The following ZNRF1 variants were observed in gnomAD, a reference collection of about 807,000 sequenced individuals.
ZNRF1 encodes the protein zinc and ring finger 1, also known as E3 ubiquitin-protein ligase ZNRF1.
ZNRF1 carries 3 observed loss-of-function variants against 18.4 expected under a neutral mutation model. That is an observed-to-expected ratio of 0.16 (90% CI 0.07 to 0.42). The LOEUF (loss-of-function observed/expected upper bound fraction) is 0.42, where lower values mean the gene tolerates loss of function less well. Ranked by LOEUF, ZNRF1 falls within the 10% of genes least tolerant of loss-of-function variation. The pLI is 0.99. For missense variants in ZNRF1, 310 were observed against 329.8 expected (o/e 0.94, Z 0.47); for synonymous variants, 157 against 144.2 (o/e 1.09, Z -0.64).
chr16:75,030,320 A>G (rs761174860), intron 1 of ZNRF1, among the ~76,000 whole-genome samples: 4 of 152,154 alleles, frequency 2.6e-5, no homozygotes, highest in Non-Finnish European at 5.9e-5. Context: ...GAATATCCAT[A>G]TGGAAAAGAA....
chr16:75,044,504 G>C (rs572016936), intron 1 of ZNRF1, among the ~76,000 whole-genome samples: 1 of 152,130 alleles, frequency 6.6e-6, no homozygotes, highest in Admixed American at 6.6e-5. Context: ...TGGGATTATA[G>C]GCATGATGAG....
chr16:75,017,508 G>A (rs1358213871), intron 1 of ZNRF1, among the ~76,000 whole-genome samples: 4 of 152,288 alleles, frequency 2.6e-5, no homozygotes, highest in Non-Finnish European at 2.9e-5. Context: ...CATCCATTAT[G>A]TTCTTGAGTC....
chr16:75,006,430 T>A (rs11641256), intron 1 of ZNRF1, among the ~76,000 whole-genome samples: 44,852 of 151,824 alleles, frequency 0.3, 8,052 homozygotes, highest in East Asian at 0.61. Context: ...TCAGTCAGTT[T>A]GTTTGTTTGT....
chr16:75,060,542 G>C (rs377455369), intron 1 of ZNRF1, among the ~76,000 whole-genome samples: 6 of 124,514 alleles, frequency 4.8e-5, no homozygotes, highest in Non-Finnish European at 8.1e-5. Context: ...GCAGTGGTGT[G>C]ATCTCGGCTC....
At chr16:75,044,547 T>G (rs897439697) in intron 1 of ZNRF1, among the ~76,000 whole-genome samples, 21 of 151,622 alleles carry the variant, frequency 1.4e-4, no homozygotes, top group Non-Finnish European at 2.2e-4. Flanking sequence ...TTTTTTTAAA[T>G]AGAGATGGGG....
At position 75,039,692 on chromosome 16, in the gene ZNRF1, C is replaced by T. The variant is rs1013448929; in HGVS notation, c.424+39597C>T. 8.5e-5 allele frequency among the ~76,000 whole-genome samples: 13 copies of T among 152,200 alleles called. 1 individual carries two copies. Among genetic ancestry groups the T allele is most frequent in the Admixed American group, 7.2e-4 (11 of 15,274 alleles). ...GAATGCAGATTTATGGGCCCCACCC[C>T]AGACCTACTGAATCCAGTGGGAAGA... On this transcript the variant is annotated intron_variant, in intron 1 of 4. Transcript: ENST00000335325.
At chr16:75,009,633 C>G (rs1166061969) in intron 1 of ZNRF1, among the ~76,000 whole-genome samples, 1 of 152,124 alleles carries the variant, frequency 6.6e-6, no homozygotes, top group Admixed American at 6.6e-5. Flanking sequence ...CCTGCTTTCA[C>G]TCCTTTTGAG....
At chr16:75,040,473 C>T (rs996715664) in intron 1 of ZNRF1, among the ~76,000 whole-genome samples, 2 of 151,940 alleles carry the variant, frequency 1.3e-5, no homozygotes, top group Middle Eastern at 6.8e-3. Flanking sequence ...TGCTCCCCAC[C>T]GGGCAACTGC....
At chr16:75,061,318 A>C (rs2035741096) in intron 1 of ZNRF1, among the ~76,000 whole-genome samples, 1 of 151,806 alleles carries the variant, frequency 6.6e-6, no homozygotes, top group African/African-American at 2.4e-5. Flanking sequence ...ACCCTTCCCA[A>C]CCTCTGGTAA....
intron 1 of ZNRF1, among the ~76,000 whole-genome samples, chr16:75,071,302 G>A (rs1244779416): frequency 2.0e-5 from 3 of 152,148 alleles, no homozygotes; most frequent in African/African-American, 7.2e-5. Context: ...GTTTCGCCAT[G>A]TTGGCCTGGC....
At position 74,999,801 on chromosome 16, in the gene ZNRF1, A is replaced by C; in HGVS notation, c.130A>C (p.Met44Leu). Residue 44 changes from methionine to leucine, a missense_variant, in exon 1 of 5, where the codon ATG (methionine) becomes CTG (leucine). Around this residue, in one of 2 missense-constraint regions of ZNRF1, gnomAD observed 293 missense variants for 291.2 expected, o/e 1.01. Transcript: ENST00000335325. Reference protein sequence around the residue: ...FGHYRTGGGAMGLRSRSVSSV... With the variant: ...FGHYRTGGGALGLRSRSVSSV... ...GCACTACCGGACGGGCGGCGGGGCC[A>C]TGGGGCTGCGCAGCCGCTCGGTCAG... 1 of 1,427,140 alleles carries C rather than the reference A, an allele frequency of 7.0e-7. No homozygotes were observed. The allele number at this position is 1,427,140 out of a possible 1,614,324, so 88.4% of individuals were successfully genotyped here. A position where few individuals can be genotyped will look rare whatever the true frequency, so the allele number is the denominator to read the frequency against.
chr16:75,085,564 G>T (rs1228540585), intron 1 of ZNRF1, among the ~76,000 whole-genome samples: 1 of 152,128 alleles, frequency 6.6e-6, no homozygotes, highest in Non-Finnish European at 1.5e-5. Flanking sequence ...GAATTTGCTT[G>T]GGTCACAGGC....
chr16:75,060,135 C>A (rs1478489330), intron 1 of ZNRF1, among the ~76,000 whole-genome samples: 3 of 152,034 alleles, frequency 2.0e-5, no homozygotes, highest in African/African-American at 7.2e-5. Context: ...CTCACTGCAA[C>A]CTCCGCCTCA....
At chr16:75,054,783 C>T (rs1006052663) in intron 1 of ZNRF1, among the ~76,000 whole-genome samples, 2 of 152,364 alleles carry the variant, frequency 1.3e-5, no homozygotes, top group South Asian at 2.1e-4. Context: ...TGGAGCGTGG[C>T]TTCTCTAGGA....
At chr16:75,079,325 C>G (rs2035981771) in intron 1 of ZNRF1, among the ~76,000 whole-genome samples, 1 of 152,118 alleles carries the variant, frequency 6.6e-6, no homozygotes, top group South Asian at 2.1e-4. Context: ...ACTAAAAATA[C>G]AAAAATTCGC....
At chr16:75,054,616 C>T (rs1215704176) in intron 1 of ZNRF1, among the ~76,000 whole-genome samples, 1 of 152,224 alleles carries the variant, frequency 6.6e-6, no homozygotes, top group Admixed American at 6.5e-5. Context: ...GGAACCATTG[C>T]TTTTTAGCCT....
chr16:75,039,525 A>G (rs181051913), intron 1 of ZNRF1, among the ~76,000 whole-genome samples: 1 of 152,342 alleles, frequency 6.6e-6, no homozygotes, highest in Non-Finnish European at 1.5e-5. Flanking sequence ...GTACTAAACC[A>G]TGAGATCAAT....
intron 1 of ZNRF1, among the ~76,000 whole-genome samples, chr16:75,038,318 G>C (rs543217846): frequency 1.3e-5 from 2 of 152,292 alleles, no homozygotes; most frequent in African/African-American, 2.4e-5. Flanking sequence ...TGGTGGGCAT[G>C]ATGAGGAGGC....
At chr16:75,008,559 C>A (rs140694670) in intron 1 of ZNRF1, among the ~76,000 whole-genome samples, 1 of 152,282 alleles carries the variant, frequency 6.6e-6, no homozygotes, top group Non-Finnish European at 1.5e-5. Context: ...TTTTCCTTTT[C>A]TCTGACTGAC....
Sources: gnomAD v4.1 joint callset for allele counts (sites outside exome capture counted in the v4.1 genomes callset) on GRCh38, gnomAD v4.1.1 for gene constraint, gnomAD v4.1.1 regional missense constraint, MANE v1.5 for transcripts, NCBI Gene and HGNC (gene_info 2026-07-23, HGNC 2026-07-21) for gene names.